AMOTL1: variants seen among roughly 807,000 people sequenced by gnomAD.
AMOTL1 encodes angiomotin like 1, also known as angiomotin-like protein 1.
AMOTL1 carries 45 observed loss-of-function variants against 102.9 expected under a neutral mutation model. The ratio of observed to expected loss-of-function variants is 0.44; its 90% CI spans 0.34 to 0.56. AMOTL1 has a LOEUF of 0.56. Ranked by LOEUF, AMOTL1 falls within the 20% of genes least tolerant of loss-of-function variation. The pLI is 0.01. For synonymous variants in AMOTL1, 481 were observed against 484.7 expected (o/e 0.99, Z 0.10); for missense variants, 1,114 against 1,225.6 (o/e 0.91, Z 1.36).
At chr11:94,740,995 C>T (rs1950516144) in intron 3 of AMOTL1, 2 of 1,288,978 alleles carry the variant, frequency 1.6e-6, no homozygotes, top group African/African-American at 1.5e-5. Flanking sequence ...TTAGGTAAGT[C>T]TGCTCATTTT....
At position 94,846,354 on chromosome 11, in the gene AMOTL1, C is replaced by T. The variant is rs1952411037; in HGVS notation, c.1649-3760C>T. Reference sequence around the variant, plus strand: ...GAATTTATCATGCTTCCTGTAACAACAATAATAACCAGTGTTATCGAAGTT... The same window carrying T: ...GAATTTATCATGCTTCCTGTAACAATAATAATAACCAGTGTTATCGAAGTT... On this transcript the variant is annotated intron_variant, in intron 6 of 12. Transcript: ENST00000433060. Among the ~76,000 whole-genome samples, 3 of 152,244 alleles carry T rather than the reference C, an allele frequency of 2.0e-5. No homozygotes were observed. The South Asian group carries it at 6.3e-4, about 32-fold the overall frequency.
At chr11:94,778,485 C>T (rs1951059056) in intron 1 of AMOTL1, among the ~76,000 whole-genome samples, 2 of 152,172 alleles carry the variant, frequency 1.3e-5, no homozygotes, top group Non-Finnish European at 2.9e-5. Flanking sequence ...GGCTAAATTA[C>T]TTAACCTCTC....
At chr11:94,777,844 ACT>A (rs1273569718) in intron 1 of AMOTL1, among the ~76,000 whole-genome samples, 1 of 152,166 alleles carries the variant, frequency 6.6e-6, no homozygotes, top group Non-Finnish European at 1.5e-5. Context: ...TGAGTGAATA[ACT>A]CTGCTTTGTA....
intron 3 of AMOTL1, among the ~76,000 whole-genome samples, chr11:94,763,024 T>G (rs989889797): frequency 6.6e-6 from 1 of 152,226 alleles, no homozygotes; most frequent in Non-Finnish European, 1.5e-5. Context: ...GAAACTTTTT[T>G]CATAATCCAC....
upstream of AMOTL1, among the ~76,000 whole-genome samples, chr11:94,764,330 C>T (rs1950830136): frequency 6.6e-6 from 1 of 152,190 alleles, no homozygotes; most frequent in Non-Finnish European, 1.5e-5. Context: ...AGGACTGCAC[C>T]TTTAGAGATT....
At chr11:94,781,024 AC>A (rs1480034740) in intron 1 of AMOTL1, among the ~76,000 whole-genome samples, 2 of 152,116 alleles carry the variant, frequency 1.3e-5, no homozygotes, top group Non-Finnish European at 2.9e-5. Flanking sequence ...TCATGTCTTA[AC>A]ATCCTTCCCT....
chr11:94,762,004 A>T (rs1950799853), intron 3 of AMOTL1, among the ~76,000 whole-genome samples: 1 of 152,228 alleles, frequency 6.6e-6, no homozygotes, highest in African/African-American at 2.4e-5. Context: ...GAACATTCTG[A>T]ACTTCAGCTA....
At chr11:94,758,446 C>T (rs973489871) in intron 3 of AMOTL1, among the ~76,000 whole-genome samples, 3 of 152,152 alleles carry the variant, frequency 2.0e-5, no homozygotes, top group East Asian at 1.9e-4. Context: ...AGATGCAGGA[C>T]GTTCAACTGA....
intron 1 of AMOTL1, among the ~76,000 whole-genome samples, chr11:94,776,006 G>A (rs989970872): frequency 6.6e-6 from 1 of 152,152 alleles, no homozygotes; most frequent in Non-Finnish European, 1.5e-5. Flanking sequence ...ATTCTTCCAG[G>A]GATCTGGTCC....
At chr11:94,710,417 T>G (rs952426738) in intron 1 of AMOTL1, among the ~76,000 whole-genome samples, 1 of 152,194 alleles carries the variant, frequency 6.6e-6, no homozygotes, top group Non-Finnish European at 1.5e-5. Flanking sequence ...TATCTAGACA[T>G]GTCTTCTCAG....
upstream of AMOTL1, among the ~76,000 whole-genome samples, chr11:94,767,073 C>G (rs923571327): frequency 1.3e-5 from 2 of 152,096 alleles, no homozygotes; most frequent in Non-Finnish European, 2.9e-5. Flanking sequence ...CAGTGCCTCT[C>G]TCCGCCCTTC....
chr11:94,843,477 C>T (rs1454961192), intron 6 of AMOTL1, among the ~76,000 whole-genome samples: 1 of 152,090 alleles, frequency 6.6e-6, no homozygotes, highest in African/African-American at 2.4e-5. Context: ...GAAATATCTT[C>T]CTATTGTCTT....
intron 1 of AMOTL1, among the ~76,000 whole-genome samples, chr11:94,791,500 A>T (rs1951285272): frequency 6.6e-6 from 1 of 152,222 alleles, no homozygotes; most frequent in Admixed American, 6.5e-5. Flanking sequence ...GATATCTAAA[A>T]GTTACCTACA....
chr11:94,719,500 T>G (rs1950144098), intron 1 of AMOTL1, among the ~76,000 whole-genome samples: 1 of 151,560 alleles, frequency 6.6e-6, no homozygotes, highest in South Asian at 2.1e-4. Flanking sequence ...CCCCATAGAT[T>G]TATACAAAAA....
chr11:94,789,936 T>C (rs987419881), intron 1 of AMOTL1, among the ~76,000 whole-genome samples: 2 of 152,198 alleles, frequency 1.3e-5, no homozygotes, highest in Non-Finnish European at 2.9e-5. Flanking sequence ...GCAGAAAGCT[T>C]TGCCCGTTGG....
At chr11:94,780,237 G>A (rs1176975279) in intron 1 of AMOTL1, among the ~76,000 whole-genome samples, 1 of 152,174 alleles carries the variant, frequency 6.6e-6, no homozygotes, top group African/African-American at 2.4e-5. Context: ...GAGCCTCTTA[G>A]GCAGCTGAGG....
intron 3 of AMOTL1, among the ~76,000 whole-genome samples, chr11:94,760,448 A>G (rs1174121214): frequency 6.6e-6 from 1 of 152,158 alleles, no homozygotes; most frequent in African/African-American, 2.4e-5. Context: ...ACCTGCAGGG[A>G]CTATACTTCC....
chr11:94,763,988 A>G (rs1435422039), upstream of AMOTL1, among the ~76,000 whole-genome samples: 2 of 152,338 alleles, frequency 1.3e-5, no homozygotes, highest in African/African-American at 4.8e-5. Context: ...TGACCATTTG[A>G]TGTTTATAAA....
chr11:94,721,141 T>A (rs1235711401), intron 1 of AMOTL1, among the ~76,000 whole-genome samples: 1 of 152,112 alleles, frequency 6.6e-6, no homozygotes, highest in Non-Finnish European at 1.5e-5. Flanking sequence ...ATAAAATTCA[T>A]TTTCCTTTGG....
Sources: allele counts gnomAD v4.1 joint callset (sites outside exome capture counted in the v4.1 genomes callset), GRCh38; gene constraint gnomAD v4.1.1; transcripts MANE v1.5; gene names NCBI Gene and HGNC (gene_info 2026-07-23, HGNC 2026-07-21).